Variants in ZNF581 observed in about 807,000 individuals in gnomAD.
The protein encoded by ZNF581 is zinc finger protein 581.
A neutral mutation model predicts 1.2 loss-of-function variants in ZNF581; 1 was observed. The ratio of observed to expected loss-of-function variants is 0.83; its 90% CI spans 0.30 to 3.95. The LOEUF is 3.95. ZNF581 is among the 30% of genes most tolerant of loss of function. ZNF581 has a pLI of 0.18. For missense variants in ZNF581, 273 were observed against 274.6 expected (o/e 0.99, Z 0.04); for synonymous variants, 105 against 109.2 (o/e 0.96, Z 0.24).
upstream of ZNF581, among the ~76,000 whole-genome samples, chr19:55,638,086 C>T (rs1016265026): frequency 2.0e-5 from 3 of 152,124 alleles, no homozygotes; most frequent in Non-Finnish European, 2.9e-5. Context: ...AATTGGTTTA[C>T]GGTTCTGCAG....
upstream of ZNF581, among the ~76,000 whole-genome samples, chr19:55,639,426 C>T (rs143412919): frequency 5.7e-4 from 87 of 152,204 alleles, no homozygotes; most frequent in African/African-American, 1.9e-3. Flanking sequence ...CCAGCGTGGG[C>T]GACAGAGTGA....
upstream of ZNF581, chr19:55,642,425 G>A: frequency 7.2e-7 from 1 of 1,396,458 alleles, no homozygotes; most frequent in Non-Finnish European, 9.3e-7. Flanking sequence ...TAGTGGGGAT[G>A]CTTTCCATTT....
At chr19:55,642,751 G>GC, upstream of ZNF581, 1 of 1,530,246 alleles carries the variant, frequency 6.5e-7, no homozygotes, top group Non-Finnish European at 8.8e-7. Context: ...AGCGCGAGGC[G>GC]CCCCCAGGAG....
chr19:55,637,473 G>T (rs1261930132), upstream of ZNF581, among the ~76,000 whole-genome samples: 3 of 152,148 alleles, frequency 2.0e-5, no homozygotes, highest in African/African-American at 7.2e-5. Context: ...GGAGGTGGAG[G>T]CTGCAGTGAG....
chr19:55,642,759 G>A, upstream of ZNF581: 1 of 1,541,216 alleles, frequency 6.5e-7, no homozygotes, highest in East Asian at 2.5e-5. Flanking sequence ...GCGCCCCCAG[G>A]AGAGCCCGGC....
chr19:55,640,697 A>G (rs1600042496), upstream of ZNF581: 5 of 985,030 alleles, frequency 5.1e-6, no homozygotes, highest in African/African-American at 1.7e-5. Flanking sequence ...CCCGCCCTCT[A>G]CCTCGGTGGG....
At chr19:55,638,470 C>T (rs1175690959), upstream of ZNF581, among the ~76,000 whole-genome samples, 5 of 152,096 alleles carry the variant, frequency 3.3e-5, no homozygotes, top group South Asian at 2.1e-4. Context: ...ATCTTGACCT[C>T]GTAATCTGCC....
chr19:55,645,354 G>C lies in ZNF581; in HGVS notation c.*189G>C. 1 of 505,314 alleles carries C rather than the reference G, an allele frequency of 2.0e-6. No homozygotes were observed. The highest frequency in any genetic ancestry group is 3.2e-5 in the East Asian group (1 of 31,686). The allele number at this position is 505,314 out of a possible 1,614,324, so 31.3% of individuals were successfully genotyped here. A position where few individuals can be genotyped will look rare whatever the true frequency, so the allele number is the denominator to read the frequency against. On this transcript the variant is annotated 3_prime_UTR_variant, in exon 2 of 2. Transcript: ENST00000270451. ...GTAATCTTCAGGTCCTCCGTGTTCTGGAGCTGAGATGGGAATGAGCCCCTA... is the reference window on the plus strand; with the variant it reads ...GTAATCTTCAGGTCCTCCGTGTTCTCGAGCTGAGATGGGAATGAGCCCCTA...
Position 55,644,702 on chromosome 19 carries a change from C to T in ZNF581, c.131C>T (p.Ala44Val), listed in dbSNP as rs764540716. The change falls in exon 2 of 2, where the codon GCT (alanine) becomes GTT (valine). Residue 44 changes from alanine to valine, a missense_variant. Coordinates refer to ENST00000270451, the MANE Select transcript of ZNF581 (RefSeq NM_016535.4). The surrounding 1 kb of genome is among the most constrained non-coding windows in gnomAD (Gnocchi z 4.3). ...TCCTCCTCCATCGGATCTCCCCAGG[C>T]TTCATCTCCTCCAAGGCCCAACCAC... ...GPSSSIGSPQ[A>V]SSPPRPNHYL... The T allele has an allele frequency of 2.5e-6, 4 of 1,613,758 alleles. No homozygotes were observed. In the African/African-American group the frequency reaches 4.0e-5, roughly 16 times the overall value.
upstream of ZNF581, chr19:55,642,832 G>A (rs1158486888): frequency 5.1e-6 from 8 of 1,574,670 alleles, no homozygotes; most frequent in Non-Finnish European, 6.0e-6. Flanking sequence ...TGCGGCTGCA[G>A]AGCCACCGCG....
chr19:55,641,030 TCGCACCCC>T (rs1319950472), upstream of ZNF581: 10 of 984,864 alleles, frequency 1.0e-5, no homozygotes, highest in African/African-American at 3.5e-5. Context: ...CGCCAACCCC[TCGCACCCC>T]CGCGCCCCCA....
At chr19:55,636,016 T>A (rs56115240) in intron 1 of ZNF581, among the ~76,000 whole-genome samples, 3,456 of 152,246 alleles carry the variant, frequency 0.023, 150 homozygotes, top group African/African-American at 0.079. Context: ...AGATGCCGTG[T>A]GTGCTTGGAG....
At chr19:55,637,519 A>G (rs1982162038), upstream of ZNF581, among the ~76,000 whole-genome samples, 1 of 151,980 alleles carries the variant, frequency 6.6e-6, no homozygotes, top group South Asian at 2.1e-4. Context: ...CCTGGGCGAC[A>G]GAGTGAGACT....
upstream of ZNF581, chr19:55,642,484 C>T: frequency 7.0e-6 from 10 of 1,424,284 alleles, 1 homozygote; most frequent in African/African-American, 1.5e-5. Flanking sequence ...AATCTCCCCT[C>T]CGCCGCTCCC....
upstream of ZNF581, chr19:55,635,364 G>A (rs1252748116): frequency 1.3e-5 from 2 of 152,370 alleles, no homozygotes; most frequent in African/African-American, 2.4e-5. Flanking sequence ...AAAGTGGGAT[G>A]AATAGTGGAC....
chr19:55,642,544 G>C (rs1982577797), upstream of ZNF581: 3 of 1,447,736 alleles, frequency 2.1e-6, no homozygotes, highest in Non-Finnish European at 2.7e-6. Flanking sequence ...CCCACCCTCG[G>C]TCCTCCTCTC....
At chr19:55,641,129 G>A (rs1414902352), upstream of ZNF581, 31 of 985,062 alleles carry the variant, frequency 3.1e-5, no homozygotes, top group Middle Eastern at 5.2e-4. Flanking sequence ...GGGGAAGCCC[G>A]GGGCCGCCCG....
chr19:55,635,752 G>A (rs747418409), intron 1 of ZNF581: 104 of 985,054 alleles, frequency 1.1e-4, no homozygotes, highest in Non-Finnish European at 1.2e-4. Context: ...GCTGAGGCCA[G>A]GTTGTGAGAG....
upstream of ZNF581, chr19:55,640,290 A>G (rs1982372956): frequency 5.1e-6 from 5 of 985,344 alleles, no homozygotes; most frequent in Non-Finnish European, 6.0e-6. Context: ...TCGCATGCGC[A>G]GCCAGCGCCC....
Sources: allele counts gnomAD v4.1 joint callset (sites outside exome capture counted in the v4.1 genomes callset), GRCh38; gene constraint gnomAD v4.1.1; non-coding constraint Gnocchi (gnomAD v3.1); transcripts MANE v1.5; gene names NCBI Gene and HGNC (gene_info 2026-07-23, HGNC 2026-07-21).